EYA3: variants seen among roughly 807,000 people sequenced by gnomAD.
The protein encoded by EYA3 is EYA transcriptional coactivator and phosphatase 3.
EYA3 carries 39 observed loss-of-function variants against 80.0 expected under a neutral mutation model. The observed-to-expected ratio is 0.49, with a 90% CI of 0.38 to 0.64. EYA3 has a LOEUF of 0.64. Ranked by LOEUF, EYA3 falls within the 30% of genes least tolerant of loss-of-function variation. The pLI, the probability that EYA3 is intolerant of heterozygous loss-of-function variation, is 0.00. For synonymous variants in EYA3, 206 were observed against 232.8 expected, an observed-to-expected ratio of 0.88 and a Z score of 1.05; for missense variants, 523 against 676.1, an observed-to-expected ratio of 0.77 and a Z score of 2.51.
At chr1:28,041,179 C>T (rs1413278791) in intron 4 of EYA3, among the ~76,000 whole-genome samples, 1 of 151,810 alleles carries the variant, frequency 6.6e-6, no homozygotes, top group Non-Finnish European at 1.5e-5. Context: ...GCCTGGCCAA[C>T]ATGGTGAAAC....
intron 7 of EYA3, among the ~76,000 whole-genome samples, chr1:28,022,107 C>T (rs1642478845): frequency 6.6e-6 from 1 of 152,170 alleles, no homozygotes; most frequent in African/African-American, 2.4e-5. Flanking sequence ...CACTGCTCCA[C>T]ACAAGGAGCT....
rs189875835 is a variant in EYA3, at chr1:28,030,695, C to A, written c.362-2769G>T. 2.0e-5 allele frequency among the ~76,000 whole-genome samples: 3 copies of A among 152,316 alleles called. No homozygotes were observed. In the East Asian group the frequency reaches 5.8e-4, roughly 29 times the overall value. On this transcript the variant is annotated intron_variant, in intron 6 of 17. Transcript: ENST00000373871. ...GACTGAGGAATACTGACATCGCTAG[C>A]ATGAATTAGAAGCGTTTGCCCCATC...
intron 7 of EYA3, among the ~76,000 whole-genome samples, chr1:28,022,545 T>C (rs1413845907): frequency 6.6e-6 from 1 of 152,138 alleles, no homozygotes; most frequent in Non-Finnish European, 1.5e-5. Context: ...AAGAAATCAG[T>C]AAGAATTCAT....
At chr1:28,086,480 G>A (rs1645657955) in intron 1 of EYA3, among the ~76,000 whole-genome samples, 1 of 152,164 alleles carries the variant, frequency 6.6e-6, no homozygotes, top group Admixed American at 6.5e-5. Context: ...CACCATGCCA[G>A]ACCTAAACCC....
chr1:28,059,353 C>A (rs1275557656), intron 1 of EYA3, among the ~76,000 whole-genome samples: 2 of 152,236 alleles, frequency 1.3e-5, no homozygotes, highest in Admixed American at 6.5e-5. Flanking sequence ...AGCTCATACA[C>A]AGAGCCTCAA....
intron 6 of EYA3, 65 bp downstream of exon 6, chr1:28,035,479 C>T: frequency 6.4e-7 from 1 of 1,571,998 alleles, no homozygotes; most frequent in Non-Finnish European, 8.7e-7. Context: ...TGATGCATGG[C>T]TGATCAAAGT....
intron 1 of EYA3, among the ~76,000 whole-genome samples, chr1:28,073,127 AT>A (rs1180868021): frequency 3.1e-3 from 46 of 14,996 alleles, no homozygotes; most frequent in East Asian, 6.9e-3. Flanking sequence ...ATATATATAT[AT>A]TTTTTTTTTT....
chr1:28,025,658 G>A (rs946566653), intron 7 of EYA3, among the ~76,000 whole-genome samples: 1 of 152,122 alleles, frequency 6.6e-6, no homozygotes, highest in Admixed American at 6.5e-5. Context: ...GAAGGAAACC[G>A]GGTTAGCCAA....
At chr1:27,982,464 T>TAA (rs79840179) in intron 16 of EYA3, among the ~76,000 whole-genome samples, 1 of 138,270 alleles carries the variant, frequency 7.2e-6, no homozygotes, top group Non-Finnish European at 1.6e-5. Context: ...TGCTCTAGAT[T>TAA]AAAAAAAAAA....
chr1:28,082,845 C>A (rs1645479469), intron 1 of EYA3, among the ~76,000 whole-genome samples: 1 of 152,108 alleles, frequency 6.6e-6, no homozygotes, highest in Admixed American at 6.6e-5. Context: ...TAATTAACTT[C>A]CATAAGATAA....
chr1:28,044,525 T>A lies in EYA3; in HGVS notation c.78-1875A>T, dbSNP rs553393376. 6.6e-5 allele frequency among the ~76,000 whole-genome samples: 10 copies of A among 152,308 alleles called. No individual in the cohort carries two copies. The South Asian group carries it at 2.1e-3, about 32-fold the overall frequency. Reference sequence around the variant, plus strand: ...GCACCCTAGAAAGAAGCTTGCTTTGTTCTTCTACTCTCTAGGGAGAGGTGG... The same window carrying A: ...GCACCCTAGAAAGAAGCTTGCTTTGATCTTCTACTCTCTAGGGAGAGGTGG... On this transcript the variant is annotated intron_variant, in intron 3 of 17. Transcript: ENST00000373871.
At chr1:28,054,387 A>C (rs1255712267) in intron 2 of EYA3, among the ~76,000 whole-genome samples, 1 of 152,224 alleles carries the variant, frequency 6.6e-6, no homozygotes, top group Admixed American at 6.5e-5. Context: ...TATCAAGAAG[A>C]GTAATCTACA....
chr1:28,068,255 C>G (rs1399374666), intron 1 of EYA3, among the ~76,000 whole-genome samples: 1 of 151,588 alleles, frequency 6.6e-6, no homozygotes, highest in East Asian at 1.9e-4. Flanking sequence ...TCGCTTGAAC[C>G]CGGGAGGTGG....
At chr1:27,993,259 A>AT in intron 14 of EYA3, 141 bp downstream of exon 14, 5 of 900,716 alleles carry the variant, frequency 5.6e-6, no homozygotes, top group Non-Finnish European at 8.1e-6. Context: ...CCAAACCTCT[A>AT]TTTTTTTAAA....
chr1:28,028,273 G>C (rs930927082), intron 6 of EYA3, among the ~76,000 whole-genome samples: 7 of 152,112 alleles, frequency 4.6e-5, no homozygotes, highest in African/African-American at 1.7e-4. Flanking sequence ...TTCATGTACA[G>C]TGATAAATAA....
intron 13 of EYA3, among the ~76,000 whole-genome samples, chr1:27,994,767 G>A (rs924990632): frequency 5.3e-5 from 8 of 151,964 alleles, no homozygotes; most frequent in African/African-American, 1.7e-4. Flanking sequence ...AGGAGTTTGA[G>A]ACCAGCCTGG....
intron 4 of EYA3, among the ~76,000 whole-genome samples, chr1:28,041,428 C>T (rs907562196): frequency 6.6e-6 from 1 of 151,998 alleles, no homozygotes; most frequent in African/African-American, 2.4e-5. Context: ...TGGCATGCGC[C>T]TGTAATCCCA....
At chr1:27,989,563 C>T (rs779158308) in intron 15 of EYA3, 134 bp downstream of exon 15, 4 of 471,984 alleles carry the variant, frequency 8.5e-6, no homozygotes, top group Non-Finnish European at 1.5e-5. Flanking sequence ...TCACCTAACA[C>T]AAATACTTCC....
intron 1 of EYA3, among the ~76,000 whole-genome samples, chr1:28,085,615 A>C (rs915693028): frequency 6.6e-6 from 1 of 152,232 alleles, no homozygotes; most frequent in Non-Finnish European, 1.5e-5. Context: ...AAATAAGAAA[A>C]CTTGGTAAGC....
Sources: gnomAD v4.1 joint callset for allele counts (sites outside exome capture counted in the v4.1 genomes callset) on GRCh38, gnomAD v4.1.1 for gene constraint, MANE v1.5 for transcripts, NCBI Gene and HGNC (gene_info 2026-07-23, HGNC 2026-07-21) for gene names.